PTGFRN: variants seen among roughly 807,000 people sequenced by gnomAD.
PTGFRN encodes prostaglandin F2 receptor inhibitor.
A neutral mutation model predicts 83.2 loss-of-function variants in PTGFRN; 35 were observed. The ratio of observed to expected loss-of-function variants is 0.42; its 90% CI spans 0.32 to 0.56. PTGFRN has a LOEUF of 0.56. Ranked by LOEUF, PTGFRN falls within the 20% of genes least tolerant of loss-of-function variation. The pLI is 0.11. For synonymous variants in PTGFRN, 519 were observed against 498.6 expected, an observed-to-expected ratio of 1.04 and a Z score of -0.55; for missense variants, 1,051 against 1,179.5, an observed-to-expected ratio of 0.89 and a Z score of 1.60.
At chr1:116,910,885 C>T (rs1443667720) in intron 1 of PTGFRN, among the ~76,000 whole-genome samples, 1 of 152,194 alleles carries the variant, frequency 6.6e-6, no homozygotes, top group Non-Finnish European at 1.5e-5. Flanking sequence ...AGCTGCCTAG[C>T]TGCGTATTTA....
intron 5 of PTGFRN, among the ~76,000 whole-genome samples, chr1:116,962,041 C>T (rs965747312): frequency 6.6e-6 from 1 of 152,176 alleles, no homozygotes; most frequent in African/African-American, 2.4e-5. Flanking sequence ...TAAGTGATGC[C>T]CATTTTCTTC....
intron 6 of PTGFRN, among the ~76,000 whole-genome samples, chr1:116,973,197 C>T (rs1011731424): frequency 3.6e-4 from 55 of 152,258 alleles, no homozygotes; most frequent in African/African-American, 1.2e-3. Context: ...GGATTACAGG[C>T]ATGAGTTACT....
At position 116,967,255 on chromosome 1, in the gene PTGFRN, C is replaced by T. The variant is rs866927243; in HGVS notation, c.1984C>T (p.Pro662Ser). The T allele has an allele frequency of 1.2e-6, 2 of 1,614,240 alleles. No homozygotes were observed. The highest frequency in any genetic ancestry group is 2.2e-5 in the East Asian group (1 of 44,888). Residue 662 changes from proline to serine, a missense_variant, in exon 6 of 9, where the codon CCT becomes TCT. Pro to Ser is a moderately conservative substitution (Grantham distance 74). Around this residue, in one of 3 missense-constraint regions of PTGFRN, gnomAD observed 719 missense variants for 836.6 expected, o/e 0.86. Coordinates refer to ENST00000393203, the MANE Select transcript of PTGFRN (RefSeq NM_020440.4). ...LYRCMVTAWS[P>S]VRGSLWREAA... ...CCGCTGCATGGTGACAGCCTGGTCTCCTGTCAGGGGCAGCCTTTGGCGAGA... is the reference window on the plus strand; with the variant it reads ...CCGCTGCATGGTGACAGCCTGGTCTTCTGTCAGGGGCAGCCTTTGGCGAGA...
intron 1 of PTGFRN, among the ~76,000 whole-genome samples, chr1:116,920,580 T>C (rs1406874568): frequency 2.0e-5 from 3 of 152,196 alleles, no homozygotes; most frequent in Non-Finnish European, 4.4e-5. Context: ...TAAATATTGC[T>C]ACTACTTTGG....
intron 4 of PTGFRN, among the ~76,000 whole-genome samples, chr1:116,955,830 A>T (rs1160388451): frequency 6.6e-6 from 1 of 152,230 alleles, no homozygotes; most frequent in Non-Finnish European, 1.5e-5. Context: ...AGCCCATAAG[A>T]CATACATACG....
chr1:116,951,876 G>A (rs1057191757), intron 4 of PTGFRN, among the ~76,000 whole-genome samples: 18 of 152,144 alleles, frequency 1.2e-4, no homozygotes, highest in Admixed American at 9.8e-4. Flanking sequence ...ATGTATATGC[G>A]TACGGATACC....
chr1:116,987,019 A>T lies in PTGFRN; in HGVS notation c.*52A>T. On this transcript the variant is annotated 3_prime_UTR_variant, in exon 9 of 9. Transcript: ENST00000393203. ...GGACGTTCTAGGAGCAATTGGGGCA[A>T]GAAGAGGACAGTGATATTTTAAAAC... The T allele has an allele frequency of 6.3e-7, 1 of 1,598,344 alleles. No individual in the cohort carries two copies.
rs772300833 is a variant in PTGFRN, at chr1:116,910,162, G to C, written c.-42G>C. The C allele has an allele frequency of 2.4e-5, 37 of 1,517,506 alleles. No individual in the cohort carries two copies. The African/African-American group carries it at 4.4e-4, about 18-fold the overall frequency. The allele number at this position is 1,517,506 out of a possible 1,614,324, so 94.0% of individuals were successfully genotyped here. On this transcript the variant is annotated 5_prime_UTR_variant, in exon 1 of 9. Coordinates refer to ENST00000393203, the MANE Select transcript of PTGFRN (RefSeq NM_020440.4). Reference sequence around the variant, plus strand: ...AAGAGGAGGAGGAGGAGAGGCGGCGGGGAAGGAGGAGGAGGGGGAGAGTCG... The same window carrying C: ...AAGAGGAGGAGGAGGAGAGGCGGCGCGGAAGGAGGAGGAGGGGGAGAGTCG...
intron 7 of PTGFRN, among the ~76,000 whole-genome samples, chr1:116,977,289 C>T (rs902869840): frequency 6.6e-6 from 1 of 152,162 alleles, no homozygotes; most frequent in African/African-American, 2.4e-5. Flanking sequence ...TTTAACACCC[C>T]ACTGTCAGCA....
intron 6 of PTGFRN, among the ~76,000 whole-genome samples, chr1:116,972,437 T>TA (rs1651029877): frequency 6.6e-6 from 1 of 152,196 alleles, no homozygotes. Flanking sequence ...CAAAAAATAT[T>TA]TATATACTTG....
At chr1:116,911,662 A>C (rs1649275168) in intron 1 of PTGFRN, among the ~76,000 whole-genome samples, 1 of 152,140 alleles carries the variant, frequency 6.6e-6, no homozygotes. Context: ...TTTATTTTTG[A>C]AACAAAGCCT....
intron 7 of PTGFRN, among the ~76,000 whole-genome samples, chr1:116,977,484 C>T (rs538528627): frequency 6.6e-6 from 1 of 152,312 alleles, no homozygotes; most frequent in East Asian, 1.9e-4. Context: ...AAGTAAAGCA[C>T]TCCTCAGCAA....
chr1:116,982,141 A>C (rs1323001952), intron 7 of PTGFRN, among the ~76,000 whole-genome samples: 1 of 152,230 alleles, frequency 6.6e-6, no homozygotes, highest in African/African-American at 2.4e-5. Context: ...TCCTTTTCAA[A>C]AGTTGGGAAA....
intron 5 of PTGFRN, among the ~76,000 whole-genome samples, chr1:116,962,959 G>T (rs2101077498): frequency 6.6e-6 from 1 of 152,284 alleles, no homozygotes; most frequent in Non-Finnish European, 1.5e-5. Context: ...GGAGGTAGGG[G>T]TAAGTTATGT....
intron 4 of PTGFRN, among the ~76,000 whole-genome samples, chr1:116,956,523 G>A (rs985840517): frequency 6.6e-6 from 1 of 152,220 alleles, no homozygotes; most frequent in Non-Finnish European, 1.5e-5. Context: ...TACTTATCGA[G>A]CAGGTGGCCC....
At chr1:116,943,047 C>T (rs1052378819) in intron 2 of PTGFRN, among the ~76,000 whole-genome samples, 4 of 152,088 alleles carry the variant, frequency 2.6e-5, no homozygotes, top group Non-Finnish European at 5.9e-5. Flanking sequence ...CTGCCTTGTT[C>T]CCAAAAGGAT....
intron 4 of PTGFRN, among the ~76,000 whole-genome samples, chr1:116,951,066 G>A (rs751201338): frequency 4.1e-4 from 62 of 152,124 alleles, no homozygotes; most frequent in African/African-American, 1.5e-3. Flanking sequence ...CCCAGCACTG[G>A]CTCTCCGTAC....
chr1:116,928,072 C>T (rs376859247), intron 1 of PTGFRN, among the ~76,000 whole-genome samples: 38 of 152,136 alleles, frequency 2.5e-4, no homozygotes, highest in Non-Finnish European at 4.0e-4. Flanking sequence ...CCCTTCTTAC[C>T]CCCTGTGGCC....
At chr1:116,979,209 C>T (rs1165861017) in intron 7 of PTGFRN, among the ~76,000 whole-genome samples, 1 of 152,038 alleles carries the variant, frequency 6.6e-6, no homozygotes, top group Admixed American at 6.6e-5. Context: ...CACTGCTCAA[C>T]AAAATAAAAC....
Sources: gnomAD v4.1 joint callset for allele counts (sites outside exome capture counted in the v4.1 genomes callset) on GRCh38, gnomAD v4.1.1 for gene constraint, gnomAD v4.1.1 regional missense constraint, MANE v1.5 for transcripts, NCBI Gene and HGNC (gene_info 2026-07-23, HGNC 2026-07-21) for gene names.